The following DTNA variants were observed in gnomAD, a reference collection of about 807,000 sequenced individuals.
DTNA encodes dystrophin-related protein 3.
A neutral mutation model predicts 100.7 loss-of-function variants in DTNA; 43 were observed. That is an observed-to-expected ratio of 0.43 (90% CI 0.33 to 0.55). DTNA has a LOEUF of 0.55. Ranked by LOEUF, DTNA falls within the 20% of genes least tolerant of loss-of-function variation. DTNA has a pLI of 0.04. For missense variants in DTNA, 798 were observed against 953.9 expected (o/e 0.84, Z 2.15); for synonymous variants, 349 against 347.9 (o/e 1.00, Z -0.04).
At chr18:34,548,008 A>G (rs529437362) in intron 1 of DTNA, among the ~76,000 whole-genome samples, 71 of 152,306 alleles carry the variant, frequency 4.7e-4, no homozygotes, top group African/African-American at 1.7e-3. Flanking sequence ...TAAAAGATTC[A>G]CATAAACATA....
intron 1 of DTNA, among the ~76,000 whole-genome samples, chr18:34,651,556 CTTAA>C (rs1334081771): frequency 6.6e-6 from 1 of 152,150 alleles, no homozygotes; most frequent in Non-Finnish European, 1.5e-5. Context: ...AACAAATTAA[CTTAA>C]TTAATATTCC....
At chr18:34,667,500 CCA>C (rs2076106531) in intron 1 of DTNA, among the ~76,000 whole-genome samples, 1 of 152,130 alleles carries the variant, frequency 6.6e-6, no homozygotes, top group Non-Finnish European at 1.5e-5. Flanking sequence ...CTGTCTTGTG[CCA>C]GTTTTCAAAG....
intron 1 of DTNA, among the ~76,000 whole-genome samples, chr18:34,666,503 A>G (rs968704906): frequency 3.9e-5 from 6 of 152,024 alleles, no homozygotes; most frequent in Admixed American, 3.3e-4. Flanking sequence ...GCCCATGCCT[A>G]TGTCCTGAAT....
intron 3 of DTNA, among the ~76,000 whole-genome samples, chr18:34,774,246 C>G (rs1303130652): frequency 6.6e-6 from 1 of 152,260 alleles, no homozygotes; most frequent in Non-Finnish European, 1.5e-5. Flanking sequence ...CTGCCAAGCC[C>G]TGTTTCTGGG....
intron 15 of DTNA, among the ~76,000 whole-genome samples, chr18:34,856,476 A>G (rs992819837): frequency 2.0e-5 from 3 of 152,230 alleles, no homozygotes; most frequent in African/African-American, 7.2e-5. Context: ...GGAGCCAGTC[A>G]GGGTTAGTAT....
intron 1 of DTNA, among the ~76,000 whole-genome samples, chr18:34,546,613 C>G (rs758547363): frequency 1.3e-5 from 2 of 152,090 alleles, no homozygotes; most frequent in Non-Finnish European, 2.9e-5. Context: ...ATCTCACAAA[C>G]ACCAAGTCAT....
rs28720931 is a variant in DTNA, at chr18:34,736,358, A to G, written c.-1-19618A>G. Among the ~76,000 whole-genome samples the G allele has an allele frequency of 5.1e-3, 775 of 152,358 alleles. 8 individuals are homozygous for G. The highest frequency in any genetic ancestry group is 0.018 in the African/African-American group (731 of 41,590). ...TTTTCAAATGAATTATATATGAACC[A>G]TAATTAATATGAATAAATCCGCTCA... On this transcript the variant is annotated intron_variant, in intron 1 of 22. Transcript: ENST00000444659.
chr18:34,888,961 G>A lies in DTNA; in HGVS notation c.*1227G>A, dbSNP rs1457962420. 2.0e-6 allele frequency: 2 copies of A among 985,682 alleles called. No individual in the cohort carries two copies. The highest frequency in any genetic ancestry group is 2.4e-6 in the Non-Finnish European group (2 of 829,928). The allele number at this position is 985,682 out of a possible 1,614,324, so 61.1% of individuals were successfully genotyped here. ...AGACAGGCTCTTCTAAGTTGAGTTG[G>A]GATTTTTGCACTCAGTGAAAAGCTG... On this transcript the variant is annotated 3_prime_UTR_variant, in exon 23 of 23. Coordinates refer to ENST00000444659, the MANE Select transcript of DTNA (RefSeq NM_001386795.1).
At chr18:34,706,482 A>G (rs2082136348), upstream of DTNA, among the ~76,000 whole-genome samples, 1 of 149,722 alleles carries the variant, frequency 6.7e-6, no homozygotes, top group South Asian at 2.1e-4. Context: ...ATATAAGTAT[A>G]TAATTATAAT....
In DTNA at chr18:34,838,563, G is replaced by C. The variant is rs369767470; in HGVS notation, c.1254-182G>C. Among the ~76,000 whole-genome samples, 8 of 152,198 alleles carry C rather than the reference G, an allele frequency of 5.3e-5. No individual in the cohort carries two copies. The East Asian group carries it at 1.4e-3, about 26-fold the overall frequency. On this transcript the variant is annotated intron_variant, in intron 12 of 22. Transcript: ENST00000444659. Reference sequence around the variant, plus strand: ...CTTTATTTTTAAAGTTAGTGAAATCGAATTGTGGATTTCATTGCCTGGATT... The same window carrying C: ...CTTTATTTTTAAAGTTAGTGAAATCCAATTGTGGATTTCATTGCCTGGATT...
chr18:34,550,267 A>G (rs1425257715), intron 1 of DTNA, among the ~76,000 whole-genome samples: 3 of 152,132 alleles, frequency 2.0e-5, no homozygotes, highest in African/African-American at 4.8e-5. Context: ...CCTTCTGTCA[A>G]CATTTTTCAT....
Position 34,794,051 on chromosome 18 carries a change from A to C in DTNA, c.163A>C (p.Ile55Leu). Residue 55 changes from isoleucine (I) to leucine (L), a missense_variant, in exon 4 of 23, where the codon ATA (isoleucine) becomes CTA (leucine). Ile to Leu is a conservative substitution (Grantham distance 5). Coordinates refer to ENST00000444659, the MANE Select transcript of DTNA (RefSeq NM_001386795.1). ...QKKCNLHLVDIWNVIEALREN... is the reference protein window; with the variant it reads ...QKKCNLHLVDLWNVIEALREN... The stretch of plus-strand genomic sequence containing the variant: ...TTTAATTGTAGTGCACCTGGTGGAC[A>C]TATGGAATGTCATAGAAGCATTGCG... 2 of 1,614,094 alleles carry C rather than the reference A, an allele frequency of 1.2e-6. No homozygotes were observed. Among genetic ancestry groups the C allele is most frequent in the South Asian group, 2.2e-5 (2 of 91,070 alleles).
intron 1 of DTNA, among the ~76,000 whole-genome samples, chr18:34,611,881 G>A (rs1163397781): frequency 3.3e-5 from 5 of 152,222 alleles, no homozygotes; most frequent in African/African-American, 1.2e-4. Flanking sequence ...ATCTCGCTGG[G>A]CAGGCGTGCA....
At chr18:34,528,863 G>A (rs2042889742) in intron 1 of DTNA, among the ~76,000 whole-genome samples, 1 of 152,070 alleles carries the variant, frequency 6.6e-6, no homozygotes. Flanking sequence ...CATAATTTAT[G>A]TTTTCACACC....
At chr18:34,875,537 C>A in intron 18 of DTNA, 139 bp downstream of exon 18, 3 of 1,312,176 alleles carry the variant, frequency 2.3e-6, no homozygotes, top group Non-Finnish European at 2.2e-6. Flanking sequence ...GCCTGGCCTG[C>A]CAGCCATTTT....
At chr18:34,723,671 G>A (rs2147049355) in intron 1 of DTNA, among the ~76,000 whole-genome samples, 1 of 152,296 alleles carries the variant, frequency 6.6e-6, no homozygotes, top group East Asian at 1.9e-4. Context: ...GGCCGAGGCA[G>A]GTAGATCACC....
chr18:34,875,522 T>C, intron 18 of DTNA, 124 bp downstream of exon 18: 1 of 1,418,874 alleles, frequency 7.0e-7, no homozygotes, highest in South Asian at 1.2e-5. Context: ...ATGGCTGGTG[T>C]CAGAGCCTGG....
intron 3 of DTNA, among the ~76,000 whole-genome samples, chr18:34,781,653 T>C (rs2094327753): frequency 1.3e-5 from 2 of 152,162 alleles, no homozygotes; most frequent in South Asian, 4.2e-4. Flanking sequence ...CCAAGCAATT[T>C]TCTATGCACT....
chr18:34,722,948 G>T (rs1041395546), intron 1 of DTNA, among the ~76,000 whole-genome samples: 1 of 151,978 alleles, frequency 6.6e-6, no homozygotes, highest in Non-Finnish European at 1.5e-5. Flanking sequence ...TAACATTGAG[G>T]TTCTTTCTGG....
Sources: gnomAD v4.1 joint callset for allele counts (sites outside exome capture counted in the v4.1 genomes callset) on GRCh38, gnomAD v4.1.1 for gene constraint, MANE v1.5 for transcripts, NCBI Gene and HGNC (gene_info 2026-07-23, HGNC 2026-07-21) for gene names.